The following BCL2L14 variants were observed in gnomAD, a reference collection of about 807,000 sequenced individuals.
BCL2L14 encodes apoptosis facilitator Bcl-2-like protein 14.
BCL2L14 carries 27 observed loss-of-function variants against 35.3 expected under a neutral mutation model. The observed-to-expected ratio is 0.76, with a 90% CI of 0.56 to 1.05. BCL2L14 has a LOEUF of 1.05. Ranked by LOEUF, BCL2L14 falls within the 50% of genes least tolerant of loss-of-function variation. BCL2L14 has a pLI of 0.00. For synonymous variants in BCL2L14, 139 were observed against 145.9 expected (o/e 0.95, Z 0.34); for missense variants, 377 against 382.6 (o/e 0.99, Z 0.12).
At chr12:12,084,563 C>A (rs773390481) in intron 2 of BCL2L14, among the ~76,000 whole-genome samples, 1 of 152,228 alleles carries the variant, frequency 6.6e-6, no homozygotes, top group African/African-American at 2.4e-5. Flanking sequence ...CCACGATGAC[C>A]CCCAAAACAG....
chr12:12,077,253 A>C (rs989538820), intron 1 of BCL2L14, among the ~76,000 whole-genome samples: 2 of 152,186 alleles, frequency 1.3e-5, no homozygotes, highest in African/African-American at 4.8e-5. Flanking sequence ...ATTAAGACAG[A>C]GCCTGAGGCC....
intron 1 of BCL2L14, chr12:12,050,015 G>A (rs1407577048): frequency 6.6e-6 from 1 of 152,160 alleles, no homozygotes; most frequent in Non-Finnish European, 1.5e-5. Flanking sequence ...TCTTAAGTTT[G>A]ATATTTCCTA....
At chr12:12,094,277 T>C (rs1387580996) in intron 4 of BCL2L14, among the ~76,000 whole-genome samples, 2 of 152,166 alleles carry the variant, frequency 1.3e-5, no homozygotes, top group Non-Finnish European at 2.9e-5. Flanking sequence ...AAGCTTCAGA[T>C]CCTGTCCCTT....
intron 2 of BCL2L14, among the ~76,000 whole-genome samples, chr12:12,056,815 G>A (rs777542106): frequency 6.6e-6 from 1 of 152,172 alleles, no homozygotes; most frequent in African/African-American, 2.4e-5. Context: ...CAGCCTGGAC[G>A]ACAAGAGCGA....
At chr12:12,095,748 T>G (rs1435389485) in intron 5 of BCL2L14, 1 of 985,282 alleles carries the variant, frequency 1.0e-6, no homozygotes, top group Non-Finnish European at 1.2e-6. Context: ...CCCTGGGACC[T>G]CCACACAGCC....
chr12:12,061,780 G>A (rs1464274770), intron 2 of BCL2L14, among the ~76,000 whole-genome samples: 11 of 152,146 alleles, frequency 7.2e-5, no homozygotes, highest in African/African-American at 1.9e-4. Flanking sequence ...CATTACTTCA[G>A]TCAAGCCCAA....
At chr12:12,072,687 A>G (rs536598955) in intron 1 of BCL2L14, among the ~76,000 whole-genome samples, 6 of 152,310 alleles carry the variant, frequency 3.9e-5, no homozygotes, top group South Asian at 4.1e-4. Flanking sequence ...TTACCTTTCC[A>G]TAAACCCCAA....
intron 2 of BCL2L14, among the ~76,000 whole-genome samples, chr12:12,081,886 C>G (rs993873423): frequency 1.3e-5 from 2 of 152,120 alleles, no homozygotes; most frequent in African/African-American, 4.8e-5. Flanking sequence ...GAAAGGCCCC[C>G]TCCTGCTGAG....
rs1190510342 is a variant in BCL2L14 at position 12,079,228 on chromosome 12, C to T, written c.-7-71C>T. On this transcript the variant is annotated intron_variant, in intron 1 of 5. Transcript: ENST00000308721. The stretch of plus-strand genomic sequence containing the variant: ...ATAAATGTTTCCTGAGTTTTCACCC[C>T]TGTCTCTCCTAACCTGCAAAGGGTA... The T allele has an allele frequency of 6.9e-6, 9 of 1,304,236 alleles. No homozygotes were observed. In the African/African-American group the frequency reaches 1.2e-4, roughly 17 times the overall value. The allele number at this position is 1,304,236 out of a possible 1,614,324, so 80.8% of individuals were successfully genotyped here. A position where few individuals can be genotyped will look rare whatever the true frequency, so the allele number is the denominator to read the frequency against.
intron 1 of BCL2L14, among the ~76,000 whole-genome samples, chr12:12,050,882 T>C (rs774969953): frequency 1.1e-4 from 16 of 151,408 alleles, no homozygotes; most frequent in Non-Finnish European, 2.4e-4. Flanking sequence ...AGTTTACAAA[T>C]TTGTGTTGAG....
chr12:12,067,755 G>A (rs1272180838), upstream of BCL2L14, among the ~76,000 whole-genome samples: 4 of 152,106 alleles, frequency 2.6e-5, no homozygotes, highest in East Asian at 1.9e-4. Context: ...GTTTACAATC[G>A]GGAGAAAAGT....
chr12:12,094,579 G>A (rs1240325303), intron 4 of BCL2L14, 85 bp from the exon 5 acceptor site: 1 of 1,614,214 alleles, frequency 6.2e-7, no homozygotes, highest in African/African-American at 1.3e-5. Flanking sequence ...ATGGTTTGAT[G>A]GCCTGCATTT....
chr12:12,094,394 T>C (rs1051750089), intron 4 of BCL2L14: 8 of 930,196 alleles, frequency 8.6e-6, no homozygotes, highest in Non-Finnish European at 1.4e-5. Flanking sequence ...CTGCCCATTA[T>C]AAGTGCTCAG....
chr12:12,059,963 A>G (rs1436775148), intron 2 of BCL2L14, among the ~76,000 whole-genome samples: 4 of 151,916 alleles, frequency 2.6e-5, no homozygotes, highest in Non-Finnish European at 2.9e-5. Flanking sequence ...TCTGTTCCCA[A>G]TGCAACTCAT....
upstream of BCL2L14, chr12:12,068,210 G>T: frequency 5.0e-6 from 2 of 398,532 alleles, no homozygotes; most frequent in Non-Finnish European, 4.4e-6. Flanking sequence ...CTCCCAAAGC[G>T]CTGGGATTGC....
intron 1 of BCL2L14, 187 bp downstream of exon 1, chr12:12,071,324 G>A (rs1948666232): frequency 6.6e-6 from 1 of 152,192 alleles, no homozygotes; most frequent in Non-Finnish European, 1.5e-5. Context: ...GGGTTTCCAG[G>A]AAAGACGAAG....
chr12:12,064,675 G>A (rs1412991569), intron 2 of BCL2L14, among the ~76,000 whole-genome samples: 1 of 152,146 alleles, frequency 6.6e-6, no homozygotes, highest in East Asian at 1.9e-4. Context: ...TGTCTCCAAG[G>A]TTCCCATTGC....
intron 2 of BCL2L14, among the ~76,000 whole-genome samples, chr12:12,063,788 C>T (rs535849892): frequency 1.2e-4 from 19 of 152,244 alleles, no homozygotes; most frequent in South Asian, 4.1e-4. Context: ...CCACAAAAGA[C>T]GTGAAAATGG....
chr12:12,088,888 A>G (rs946741670), intron 3 of BCL2L14, among the ~76,000 whole-genome samples: 3 of 152,070 alleles, frequency 2.0e-5, no homozygotes, highest in Non-Finnish European at 4.4e-5. Flanking sequence ...TCTGCTAAAA[A>G]AAAACAGTGT....
Sources: allele counts gnomAD v4.1 joint callset (sites outside exome capture counted in the v4.1 genomes callset), GRCh38; gene constraint gnomAD v4.1.1; transcripts MANE v1.5; gene names NCBI Gene and HGNC (gene_info 2026-07-23, HGNC 2026-07-21).